The following B4GALNT2 variants were observed in gnomAD, a reference collection of about 807,000 sequenced individuals.
B4GALNT2 encodes N-acetylneuraminylgalactosylglucosyl-glucoside beta-1,4-N- acetylgalactosaminyltransferase 2.
Under a neutral mutation model 51.1 loss-of-function variants are expected in B4GALNT2, and 42 were observed. The ratio of observed to expected loss-of-function variants is 0.82; its 90% CI spans 0.64 to 1.06. B4GALNT2 has a LOEUF of 1.06. Among genes scored for constraint, B4GALNT2 ranks in the 50% least tolerant of loss-of-function variants. The probability of loss-of-function intolerance (pLI) is 0.00; values close to 1 mark genes in which losing one functional copy is unlikely to be tolerated. For synonymous variants in B4GALNT2, 253 were observed against 251.7 expected (o/e 1.01, Z -0.05); for missense variants, 602 against 633.6 (o/e 0.95, Z 0.54).
intron 3 of B4GALNT2, among the ~76,000 whole-genome samples, chr17:49,143,627 C>G (rs1023899018): frequency 2.0e-5 from 3 of 152,206 alleles, no homozygotes; most frequent in African/African-American, 7.2e-5. Context: ...TAGCCACTGT[C>G]TTAGTCCGTT....
At position 49,174,530 on chromosome 17, in the gene B4GALNT2, G is replaced by A. The variant is rs2042976236; in HGVS notation, c.*4802G>A. ...AGGAGAAGGCAGTCCTGGCTGCAAT[G>A]TCCCCATAGGTTGTATAACTGAATT... On this transcript the variant is annotated 3_prime_UTR_variant, in exon 11 of 11. Coordinates refer to ENST00000393354, the MANE Select transcript of B4GALNT2 (RefSeq NM_001159387.2). 6.6e-6 allele frequency: 1 copy of A among 152,198 alleles called. No homozygotes were observed. Among genetic ancestry groups the A allele is most frequent in the Admixed American group, 6.5e-5 (1 of 15,282 alleles). 9.4% of individuals were successfully genotyped at this position (152,198 alleles called of 1,614,324 possible).
At chr17:49,132,713 T>C, upstream of B4GALNT2, 1 of 1,351,774 alleles carries the variant, frequency 7.4e-7, no homozygotes, top group Non-Finnish European at 9.5e-7. Context: ...TTTGCCCGGG[T>C]CGGTGCCAGG....
rs113572244 is a variant in B4GALNT2 at position 49,135,846 on chromosome 17, G to A, written c.14+3040G>A. ...TGGGAGGCCGAGGCGGGCGGATCAC[G>A]AGGTCAGAAGATCTAGACCATCCTG... On this transcript the variant is annotated intron_variant, in intron 1 of 10. Coordinates refer to ENST00000393354, the MANE Select transcript of B4GALNT2 (RefSeq NM_001159387.2). Among the ~76,000 whole-genome samples, 107 of 151,620 alleles carry A rather than the reference G, an allele frequency of 7.1e-4. 2 individuals are homozygous for A. Among genetic ancestry groups the A allele is most frequent in the African/African-American group, 2.4e-3 (101 of 41,410 alleles).
intron 3 of B4GALNT2, among the ~76,000 whole-genome samples, chr17:49,144,845 C>T (rs927644105): frequency 6.6e-6 from 1 of 152,276 alleles, no homozygotes; most frequent in East Asian, 1.9e-4. Context: ...CCACAACAGG[C>T]TGTCTGCAAG....
chr17:49,169,551 AC>A lies in B4GALNT2; in HGVS notation c.1345del (p.Leu449SerfsTer8). On this transcript the variant is annotated frameshift_variant, in exon 11 of 11. Transcript: ENST00000393354. LOFTEE classifies it low-confidence loss of function (END_TRUNC). ...TCTTCATTGATGGGCTAGGGACCCT[AC>A]TCGTGGGGTCATGCCCAGAAGTGAT... ...EFFIDGLGTL[L>X]VGSCPEVIIG... The A allele has an allele frequency of 6.2e-7, 1 of 1,611,830 alleles. No homozygotes were observed. The highest frequency in any genetic ancestry group is 1.1e-5 in the South Asian group (1 of 90,966).
At chr17:49,141,993 T>G (rs1173744142) in intron 2 of B4GALNT2, 42 bp from the exon 3 acceptor site, 3 of 1,611,874 alleles carry the variant, frequency 1.9e-6, no homozygotes, top group Non-Finnish European at 2.5e-6. Context: ...CCCACCAGCC[T>G]ACCCACCCAA....
intron 7 of B4GALNT2, among the ~76,000 whole-genome samples, chr17:49,163,213 C>T (rs1598214876): frequency 6.6e-6 from 1 of 152,200 alleles, no homozygotes; most frequent in Non-Finnish European, 1.5e-5. Flanking sequence ...TGTCCCCTCT[C>T]CAGTCTCTTA....
chr17:49,168,602 A>G (rs2144345098), intron 9 of B4GALNT2, 79 bp from the exon 10 acceptor site: 10 of 1,296,980 alleles, frequency 7.7e-6, no homozygotes, highest in East Asian at 2.4e-5. Context: ...ACCGAGGTGC[A>G]GTCCAGCGAG....
At chr17:49,151,717 G>A (rs1441919542) in intron 3 of B4GALNT2, among the ~76,000 whole-genome samples, 5 of 149,220 alleles carry the variant, frequency 3.4e-5, no homozygotes, top group Non-Finnish European at 5.9e-5. Flanking sequence ...CTGAACTCCA[G>A]CCTGGCAACC....
Position 49,174,648 on chromosome 17 carries a change from T to C in B4GALNT2, c.*4920T>C, listed in dbSNP as rs1038024210. ...TTCCAAGGGGAAAATGTTGGAGCTA[T>C]GTGTCCTTTTTCTAATTGTTCAGTA... On this transcript the variant is annotated 3_prime_UTR_variant, in exon 11 of 11. Coordinates refer to ENST00000393354, the MANE Select transcript of B4GALNT2 (RefSeq NM_001159387.2). 6.6e-6 allele frequency: 1 copy of C among 152,196 alleles called. No individual in the cohort carries two copies. The highest frequency in any genetic ancestry group is 2.4e-5 in the African/African-American group (1 of 41,442). 9.4% of individuals were successfully genotyped at this position (152,196 alleles called of 1,614,324 possible). A position where few individuals can be genotyped will look rare whatever the true frequency, so the allele number is the denominator to read the frequency against.
At chr17:49,148,594 TA>T in intron 3 of B4GALNT2, 1 of 471,050 alleles carries the variant, frequency 2.1e-6, no homozygotes. Flanking sequence ...CCCTTGTTGG[TA>T]AGGTACGCGT....
chr17:49,171,741 T>G lies in B4GALNT2; in HGVS notation c.*2013T>G, dbSNP rs1029527102. 1.4e-4 allele frequency: 59 copies of G among 415,068 alleles called. 1 individual carries two copies. The highest frequency in any genetic ancestry group is 1.1e-3 in the South Asian group (59 of 55,498). 25.7% of individuals were successfully genotyped at this position (415,068 alleles called of 1,614,324 possible). A position where few individuals can be genotyped will look rare whatever the true frequency, so the allele number is the denominator to read the frequency against. ...GCTAAACATCCCCTTAGGGGACCAATCAATAATGATTCCATAGGAATCGTT... is the reference window on the plus strand; with the variant it reads ...GCTAAACATCCCCTTAGGGGACCAAGCAATAATGATTCCATAGGAATCGTT... On this transcript the variant is annotated 3_prime_UTR_variant, in exon 11 of 11. Coordinates refer to ENST00000393354, the MANE Select transcript of B4GALNT2 (RefSeq NM_001159387.2).
chr17:49,169,474 C>T lies in B4GALNT2; in HGVS notation c.1316-49C>T, dbSNP rs368642050. The T allele has an allele frequency of 3.8e-6, 6 of 1,570,782 alleles. No homozygotes were observed. The African/African-American group carries it at 8.1e-5, about 21-fold the overall frequency. On this transcript the variant is annotated intron_variant, in intron 10 of 10. Transcript: ENST00000393354. ...CCCACCAGACCTAGAATAGTGCCCA[C>T]TTTTCTGACCGCAGCTCCCACTTCC...
intron 8 of B4GALNT2, among the ~76,000 whole-genome samples, 154 bp from the exon 9 acceptor site, chr17:49,165,960 A>G (rs890726589): frequency 6.6e-6 from 1 of 152,168 alleles, no homozygotes; most frequent in African/African-American, 2.4e-5. Context: ...CCTGTGGTTC[A>G]CAGCCTTGGC....
At chr17:49,155,963 G>A (rs2042806233) in intron 4 of B4GALNT2, among the ~76,000 whole-genome samples, 1 of 151,928 alleles carries the variant, frequency 6.6e-6, no homozygotes, top group Non-Finnish European at 1.5e-5. Context: ...TCCTGACCTC[G>A]TGATCCGCCC....
rs540857005 is a variant in B4GALNT2 at position 49,155,210 on chromosome 17, A to T, written c.461-1356A>T. On this transcript the variant is annotated intron_variant, in intron 4 of 10. Transcript: ENST00000393354. ...TGTGGTCCCAGTACTCGTGAGGAGA[A>T]TTGCTTGATCCTGGGAGGCGGAGTT... is the stretch of plus-strand genomic sequence containing the variant. Among the ~76,000 whole-genome samples, 93 of 145,624 alleles carry T rather than the reference A, an allele frequency of 6.4e-4. 1 individual carries two copies. Among genetic ancestry groups the T allele is most frequent in the African/African-American group, 2.3e-3 (93 of 39,788 alleles).
chr17:49,155,297 CAAAAAAA>C (rs34869721), intron 4 of B4GALNT2, among the ~76,000 whole-genome samples: 1 of 54,166 alleles, frequency 1.8e-5, no homozygotes, highest in Non-Finnish European at 3.3e-5. Context: ...GATTCAGTCT[CAAAAAAA>C]AAAAAAAAAA....
At chr17:49,162,260 T>C (rs993875788) in intron 7 of B4GALNT2, among the ~76,000 whole-genome samples, 1 of 152,158 alleles carries the variant, frequency 6.6e-6, no homozygotes, top group African/African-American at 2.4e-5. Context: ...CTTAAGAGCA[T>C]CTATGACTCA....
chr17:49,150,856 C>G (rs1357519670), intron 3 of B4GALNT2, among the ~76,000 whole-genome samples: 4 of 150,316 alleles, frequency 2.7e-5, no homozygotes, highest in African/African-American at 9.9e-5. Flanking sequence ...CTGACCTTCC[C>G]TCCACTATTG....
Sources: allele counts gnomAD v4.1 joint callset (sites outside exome capture counted in the v4.1 genomes callset), GRCh38; gene constraint gnomAD v4.1.1; transcripts MANE v1.5; gene names NCBI Gene and HGNC (gene_info 2026-07-23, HGNC 2026-07-21).